The following PHTF2 variants were observed in gnomAD, a reference collection of about 807,000 sequenced individuals.
The protein encoded by PHTF2 is protein PHTF2.
In PHTF2, 60 loss-of-function variants were observed where a neutral mutation model predicts 101.2. That is an observed-to-expected ratio of 0.59 (90% CI 0.48 to 0.73). The LOEUF is 0.73. Among genes scored for constraint, PHTF2 ranks in the 30% least tolerant of loss-of-function variants. The pLI is 0.00. For missense variants in PHTF2, 747 were observed against 908.7 expected, an observed-to-expected ratio of 0.82 and a Z score of 2.29; for synonymous variants, 311 against 307.3, an observed-to-expected ratio of 1.01 and a Z score of -0.13.
intron 3 of PHTF2, among the ~76,000 whole-genome samples, chr7:77,892,176 G>A (rs1288124617): frequency 6.6e-6 from 1 of 152,210 alleles, no homozygotes; most frequent in Non-Finnish European, 1.5e-5. Context: ...TGTAGCCCCA[G>A]CTGCTCAGGA....
At chr7:77,854,184 G>A (rs1796983835) in intron 2 of PHTF2, among the ~76,000 whole-genome samples, 1 of 152,206 alleles carries the variant, frequency 6.6e-6, no homozygotes, top group Admixed American at 6.5e-5. Context: ...GCTTGGTAAT[G>A]CTGTGACTCT....
chr7:77,863,734 A>G (rs1797827175), intron 3 of PHTF2, among the ~76,000 whole-genome samples: 1 of 151,656 alleles, frequency 6.6e-6, no homozygotes, highest in Non-Finnish European at 1.5e-5. Flanking sequence ...TGTTTAAATA[A>G]CATTTATGAT....
chr7:77,839,687 T>C (rs572399790), intron 1 of PHTF2, among the ~76,000 whole-genome samples: 69 of 152,232 alleles, frequency 4.5e-4, no homozygotes, highest in Non-Finnish European at 9.0e-4. Context: ...ATTATTCCTG[T>C]GTATTAACTC....
chr7:77,903,177 C>T (rs568362351), intron 7 of PHTF2, among the ~76,000 whole-genome samples: 1 of 151,972 alleles, frequency 6.6e-6, no homozygotes, highest in African/African-American at 2.4e-5. Flanking sequence ...CAATATTGGG[C>T]AGTTAAGCTG....
intron 10 of PHTF2, among the ~76,000 whole-genome samples, chr7:77,921,871 A>G (rs921143108): frequency 2.6e-5 from 4 of 152,104 alleles, no homozygotes; most frequent in Non-Finnish European, 5.9e-5. Flanking sequence ...TGCAGTTGCT[A>G]TTTACTTCCT....
At chr7:77,877,020 C>T (rs1209682539) in intron 3 of PHTF2, among the ~76,000 whole-genome samples, 2 of 151,796 alleles carry the variant, frequency 1.3e-5, no homozygotes, top group African/African-American at 4.8e-5. Context: ...GGGTATTTAC[C>T]CTTAAAGTAT....
chr7:77,931,640 A>T (rs886869276), intron 12 of PHTF2, among the ~76,000 whole-genome samples: 3 of 152,208 alleles, frequency 2.0e-5, no homozygotes, highest in African/African-American at 7.2e-5. Flanking sequence ...GCTACTTTGA[A>T]GAGCAGTTTG....
At chr7:77,800,351 A>G (rs1792436893) in intron 1 of PHTF2, among the ~76,000 whole-genome samples, 1 of 152,172 alleles carries the variant, frequency 6.6e-6, no homozygotes. Context: ...GGTTCCAGGA[A>G]ATATTTTTGC....
At chr7:77,868,729 GC>G (rs1268013808) in intron 3 of PHTF2, among the ~76,000 whole-genome samples, 1 of 152,138 alleles carries the variant, frequency 6.6e-6, no homozygotes, top group Non-Finnish European at 1.5e-5. Context: ...ATAATGGAAA[GC>G]CTATGGGCTT....
chr7:77,837,501 A>C (rs1218832068), intron 1 of PHTF2, among the ~76,000 whole-genome samples: 2 of 152,246 alleles, frequency 1.3e-5, no homozygotes, highest in Non-Finnish European at 2.9e-5. Flanking sequence ...TGAGCCATTC[A>C]GTGTGACTGA....
chr7:77,815,737 A>G (rs1346876067), intron 1 of PHTF2, among the ~76,000 whole-genome samples: 1 of 152,238 alleles, frequency 6.6e-6, no homozygotes, highest in Non-Finnish European at 1.5e-5. Context: ...GCTTTCAACT[A>G]GTCTGCCTAA....
At chr7:77,919,049 GT>G (rs1159373027) in intron 9 of PHTF2, among the ~76,000 whole-genome samples, 1 of 152,210 alleles carries the variant, frequency 6.6e-6, no homozygotes, top group African/African-American at 2.4e-5. Flanking sequence ...TTCCCAGAGA[GT>G]AGGCAGTTTG....
chr7:77,814,247 TAC>T (rs1161005482), intron 1 of PHTF2, among the ~76,000 whole-genome samples: 1 of 152,198 alleles, frequency 6.6e-6, no homozygotes, highest in Non-Finnish European at 1.5e-5. Context: ...TTAGAGGAAA[TAC>T]AGAGTTGAGT....
intron 3 of PHTF2, among the ~76,000 whole-genome samples, chr7:77,875,664 TCTC>T: frequency 6.6e-6 from 1 of 152,174 alleles, no homozygotes; most frequent in East Asian, 1.9e-4. Context: ...TTCACACCAT[TCTC>T]CTGCCTCAGC....
intron 1 of PHTF2, among the ~76,000 whole-genome samples, chr7:77,819,838 A>G (rs750520654): frequency 3.9e-5 from 6 of 152,164 alleles, no homozygotes; most frequent in Non-Finnish European, 7.4e-5. Flanking sequence ...GTTCAGTAAA[A>G]TTCAGCTGTG....
chr7:77,939,902 A>G lies in PHTF2; in HGVS notation c.1468-128A>G, dbSNP rs931666386. 3 of 655,038 alleles carry G rather than the reference A, an allele frequency of 4.6e-6. 1 individual carries two copies. The South Asian group carries it at 7.8e-5, about 17-fold the overall frequency. 40.6% of individuals were successfully genotyped at this position (655,038 alleles called of 1,614,324 possible). On this transcript the variant is annotated intron_variant, in intron 13 of 19. Coordinates refer to ENST00000416283, the Ensembl canonical transcript of PHTF2. ...TAGTAGGCTCTCAAACTTGAATGGG[A>G]TTCAAATTACTCAGAATGAGTATAT... is the stretch of plus-strand genomic sequence containing the variant.
At chr7:77,878,965 ACCTGGCCGAATGG>A (rs1799175955) in intron 3 of PHTF2, among the ~76,000 whole-genome samples, 1 of 152,150 alleles carries the variant, frequency 6.6e-6, no homozygotes, top group African/African-American at 2.4e-5. Context: ...TATCTAGTTC[ACCTGGCCGAATGG>A]CCTTTTTTCA....
intron 1 of PHTF2, among the ~76,000 whole-genome samples, chr7:77,826,822 G>A (rs1179498532): frequency 1.3e-5 from 2 of 152,214 alleles, no homozygotes; most frequent in African/African-American, 4.8e-5. Flanking sequence ...GCAAGCAGAT[G>A]TTCTCTAACA....
At chr7:77,870,384 G>A (rs1379967326) in intron 3 of PHTF2, among the ~76,000 whole-genome samples, 1 of 152,104 alleles carries the variant, frequency 6.6e-6, no homozygotes, top group African/African-American at 2.4e-5. Context: ...GCAGGCTGAG[G>A]AGCAAGGAGA....
Sources: gnomAD v4.1 joint callset for allele counts (sites outside exome capture counted in the v4.1 genomes callset) on GRCh38, gnomAD v4.1.1 for gene constraint, MANE v1.5 for transcripts, NCBI Gene and HGNC (gene_info 2026-07-23, HGNC 2026-07-21) for gene names.